PICK1: variants seen among roughly 807,000 people sequenced by gnomAD.
The protein encoded by PICK1 is PRKCA-binding protein.
PICK1 carries 23 observed loss-of-function variants against 48.9 expected under a neutral mutation model. The observed-to-expected ratio is 0.47, with a 90% CI of 0.34 to 0.67. PICK1 has a LOEUF of 0.67. Among genes scored for constraint, PICK1 ranks in the 30% least tolerant of loss-of-function variants. The pLI, the probability that PICK1 is intolerant of heterozygous loss-of-function variation, is 0.01. For synonymous variants in PICK1, 217 were observed against 228.2 expected (o/e 0.95, Z 0.44); for missense variants, 423 against 557.1 (o/e 0.76, Z 2.42).
intron 3 of PICK1, among the ~76,000 whole-genome samples, chr22:38,060,395 G>A (rs188389443): frequency 1.4e-4 from 21 of 152,296 alleles, no homozygotes; most frequent in Admixed American, 9.8e-4. Context: ...CCTGCTGTGG[G>A]GCCTCCTTCA....
Position 38,058,279 on chromosome 22 carries a change from GCCTTTCT to G in PICK1, c.41+431_41+437del, listed in dbSNP as rs1223371515. ...TTTCAGATCAAGGAGTGGGTGCAAT[GCCTTTCT>G]CTATGCTCAGCACTTAGTAAGGGAC... is the stretch of plus-strand genomic sequence containing the variant. On this transcript the variant is annotated intron_variant, in intron 2 of 12. Coordinates refer to ENST00000356976, the MANE Select transcript of PICK1 (RefSeq NM_012407.4). The G allele has an allele frequency of 3.7e-5, 9 of 244,262 alleles. No homozygotes were observed. In the Admixed American group the frequency reaches 3.9e-4, roughly 11 times the overall value. 15.1% of individuals were successfully genotyped at this position (244,262 alleles called of 1,614,324 possible). A position where few individuals can be genotyped will look rare whatever the true frequency, so the allele number is the denominator to read the frequency against.
rs149993932 is a variant in PICK1, at chr22:38,059,234, C to T, written c.42C>T (p.Leu14=). ...CAGCCTAGCTTGCTTTCCTTTCTAG[C>T]GGAATCCCGACTGTGCCTGGGAAGG... is the stretch of plus-strand genomic sequence containing the variant. ...DLDYDIEEDK[L]GIPTVPGKVT... The change falls in exon 3 of 13, where the codon CTC becomes CTT. Residue 14 remains leucine (L), a splice_region_variant and synonymous_variant. Transcript: ENST00000356976. 3.2e-5 allele frequency: 50 copies of T among 1,570,876 alleles called. No homozygotes were observed. The highest frequency in any genetic ancestry group is 1.7e-4 in the Middle Eastern group (1 of 6,028).
chr22:38,073,815 A>G lies in PICK1; in HGVS notation c.826A>G (p.Ser276Gly). The G allele has an allele frequency of 1.2e-6, 2 of 1,612,232 alleles. No individual in the cohort carries two copies. The highest frequency in any genetic ancestry group is 8.5e-7 in the Non-Finnish European group (1 of 1,179,068). ...GAAGGAGATGGATGACGAGGAATAC[A>G]GCTGCATTGTGAGTGTTGGAGGGGG... ...KVKEMDDEEY[S>G]CIALGEPLYR... The change falls in exon 11 of 13, where the codon AGC (serine) becomes GGC (glycine). Residue 276 changes from serine to glycine, a missense_variant. Physicochemically the swap from Ser to Gly is moderately conservative, Grantham distance 56. This residue lies in a region of PICK1 where 279 missense variants were observed against 417.8 expected (regional missense o/e 0.67). Transcript: ENST00000356976. This position sits in a 1 kb window ranked among gnomAD's most constrained non-coding sequence, Gnocchi z 5.7.
Position 38,070,860 on chromosome 22 carries a change from G to A in PICK1, c.462G>A (p.Glu154=), listed in dbSNP as rs757521148. ...CAGATGGGCTTGTCAAGAGGCTAGA[G>A]GAGCTGGAGCGGACCGCTGAGCTAT... ...LCNDGLVKRL[E]ELERTAELYK... is the part of the protein sequence containing the mutation. The change falls in exon 7 of 13, where the codon GAG becomes GAA. Residue 154 remains glutamate, a synonymous_variant. Transcript: ENST00000356976. The A allele has an allele frequency of 9.3e-6, 15 of 1,613,942 alleles. No individual in the cohort carries two copies. The highest frequency in any genetic ancestry group is 2.2e-5 in the South Asian group (2 of 91,088).
At chr22:38,068,354 C>T (rs1377919526) in intron 5 of PICK1, among the ~76,000 whole-genome samples, 4 of 152,300 alleles carry the variant, frequency 2.6e-5, no homozygotes, top group African/African-American at 9.6e-5. Context: ...CTGGACCGGC[C>T]GCTTCACATT....
At chr22:38,060,247 C>G (rs1170113173) in intron 3 of PICK1, among the ~76,000 whole-genome samples, 3 of 152,154 alleles carry the variant, frequency 2.0e-5, no homozygotes, top group Non-Finnish European at 2.9e-5. Context: ...ATGCATTAAG[C>G]AGTAGCTGCT....
chr22:38,067,210 G>C (rs930720150), intron 4 of PICK1, among the ~76,000 whole-genome samples: 5 of 152,064 alleles, frequency 3.3e-5, no homozygotes, highest in Admixed American at 6.6e-5. Flanking sequence ...CCAGGGCTTG[G>C]ATGTAGAGTA....
Position 38,069,248 on chromosome 22 carries a change from G to A in PICK1, c.439+126G>A. 5.7e-6 allele frequency: 4 copies of A among 705,044 alleles called. No homozygotes were observed. In the South Asian group the frequency reaches 6.6e-5, roughly 12 times the overall value. 43.7% of individuals were successfully genotyped at this position (705,044 alleles called of 1,614,324 possible). A position where few individuals can be genotyped will look rare whatever the true frequency, so the allele number is the denominator to read the frequency against. On this transcript the variant is annotated intron_variant, in intron 6 of 12. Transcript: ENST00000356976. The stretch of plus-strand genomic sequence containing the variant: ...GGGTCTGACCCTGGCCTCTGCCCGT[G>A]GAACTGAGAAGTCACCATCTCTGTA...
At chr22:38,068,143 C>T (rs764878296) in intron 5 of PICK1, 36 of 473,974 alleles carry the variant, frequency 7.6e-5, no homozygotes, top group Admixed American at 2.3e-5. Context: ...CCTGGCCTGG[C>T]GCCTCATGCC....
chr22:38,068,919 C>A, intron 5 of PICK1, 114 bp from the exon 6 acceptor site: 8 of 835,290 alleles, frequency 9.6e-6, no homozygotes, highest in Non-Finnish European at 1.6e-5. Context: ...CACAGCCACC[C>A]CCAGCAGCCC....
intron 7 of PICK1, among the ~76,000 whole-genome samples, chr22:38,071,254 G>C (rs1569202550): frequency 6.6e-6 from 1 of 152,162 alleles, no homozygotes; most frequent in Non-Finnish European, 1.5e-5. Context: ...TGAGGCATGA[G>C]AATCGCTTGA....
In PICK1 at chr22:38,067,307, CTTTTTTTTTT is replaced by C. The variant is rs33993578; in HGVS notation, c.283-386_283-377del. On this transcript the variant is annotated intron_variant, in intron 4 of 12. Coordinates refer to ENST00000356976, the MANE Select transcript of PICK1 (RefSeq NM_012407.4). ...CTGGCCCTTACTGGGGCTTAGGATT[CTTTTTTTTTT>C]TTTTTTTTTTGAGACAGAATCTCAT... 4.5e-5 allele frequency among the ~76,000 whole-genome samples: 5 copies of C among 110,646 alleles called. No individual in the cohort carries two copies. In the South Asian group the frequency reaches 8.8e-4, roughly 20 times the overall value. The allele number at this position is 110,646 out of a possible 152,430, so 72.6% of individuals were successfully genotyped here. A position where few individuals can be genotyped will look rare whatever the true frequency, so the allele number is the denominator to read the frequency against.
intron 3 of PICK1, among the ~76,000 whole-genome samples, chr22:38,064,298 T>G (rs1368293687): frequency 6.6e-6 from 1 of 152,162 alleles, no homozygotes; most frequent in Admixed American, 6.5e-5. Context: ...CCTCAGGTGA[T>G]CTGCCTGCCT....
chr22:38,067,597 C>T (rs995991305), intron 4 of PICK1, 107 bp from the exon 5 acceptor site: 2 of 976,482 alleles, frequency 2.0e-6, no homozygotes, highest in South Asian at 1.3e-5. Context: ...GTGTGAGCCA[C>T]CGCACCCGGC....
chr22:38,071,821 A>G (rs2085703466), intron 8 of PICK1, 77 bp downstream of exon 8: 2 of 1,293,136 alleles, frequency 1.5e-6, no homozygotes, highest in South Asian at 2.4e-5. Flanking sequence ...GAGGTGGGTC[A>G]GACCCACAGC....
At position 38,075,463 on chromosome 22, in the gene PICK1, C is replaced by G; in HGVS notation, c.*331C>G. On this transcript the variant is annotated 3_prime_UTR_variant, in exon 13 of 13. Transcript: ENST00000356976. ...ACTTGGAGGTGGCAGGAGTCCGAGC[C>G]CTGCTCCTTGTGGGCGCTCACACTG... The G allele has an allele frequency of 3.3e-6, 1 of 301,514 alleles. No homozygotes were observed. The highest frequency in any genetic ancestry group is 2.1e-5 in the African/African-American group (1 of 47,384). The allele number at this position is 301,514 out of a possible 1,614,324, so 18.7% of individuals were successfully genotyped here.
In PICK1 at chr22:38,074,330, G is replaced by A. The variant is rs2085778609; in HGVS notation, c.858G>A (p.Arg286=). Reference sequence around the variant, plus strand: ...AGGCCCTAGGCGAGCCCCTTTACCGGGTGAGCACCGGCAACTATGAGTACC... The same window carrying A: ...AGGCCCTAGGCGAGCCCCTTTACCGAGTGAGCACCGGCAACTATGAGTACC... ...SCIALGEPLY[R]VSTGNYEYRL... The change falls in exon 12 of 13, where the codon CGG becomes CGA. Residue 286 remains arginine, a synonymous_variant. Coordinates refer to ENST00000356976, the MANE Select transcript of PICK1 (RefSeq NM_012407.4). This position sits in a 1 kb window ranked among gnomAD's most constrained non-coding sequence, Gnocchi z 4.5. 1 of 1,612,596 alleles carries A rather than the reference G, an allele frequency of 6.2e-7. No homozygotes were observed. Among genetic ancestry groups the A allele is most frequent in the Non-Finnish European group, 8.5e-7 (1 of 1,179,848 alleles).
intron 4 of PICK1, 153 bp downstream of exon 4, chr22:38,065,283 C>T: frequency 1.4e-6 from 1 of 735,698 alleles, no homozygotes; most frequent in Non-Finnish European, 2.4e-6. Flanking sequence ...ACTCCAGCCT[C>T]CCTCATCCAT....
chr22:38,071,003 G>A, intron 7 of PICK1, 112 bp downstream of exon 7: 1 of 825,350 alleles, frequency 1.2e-6, no homozygotes, highest in Non-Finnish European at 2.1e-6. Flanking sequence ...AAAATACTAG[G>A]ACCATGGGCA....
Sources: allele counts gnomAD v4.1 joint callset (sites outside exome capture counted in the v4.1 genomes callset), GRCh38; gene constraint gnomAD v4.1.1; regional missense constraint gnomAD v4.1.1; non-coding constraint Gnocchi (gnomAD v3.1); transcripts MANE v1.5; gene names NCBI Gene and HGNC (gene_info 2026-07-23, HGNC 2026-07-21).